MACROD2: variants seen among roughly 807,000 people sequenced by gnomAD.
The protein encoded by MACROD2 is ADP-ribose glycohydrolase MACROD2.
A neutral mutation model predicts 70.4 loss-of-function variants in MACROD2; 36 were observed. The observed-to-expected ratio is 0.51, with a 90% CI of 0.39 to 0.68. The LOEUF is 0.68. Ranked by LOEUF, MACROD2 falls within the 30% of genes least tolerant of loss-of-function variation. The probability of loss-of-function intolerance (pLI) is 0.00; values close to 1 mark genes in which losing one functional copy is unlikely to be tolerated. For synonymous variants in MACROD2, 172 were observed against 178.8 expected (o/e 0.96, Z 0.30); for missense variants, 496 against 538.4 (o/e 0.92, Z 0.78).
chr20:14,158,940 A>C (rs537394495), intron 3 of MACROD2, among the ~76,000 whole-genome samples: 3 of 152,008 alleles, frequency 2.0e-5, no homozygotes, highest in Non-Finnish European at 4.4e-5. Context: ...TTCTATTTCT[A>C]TGAAAAATAA....
rs537992136 is a variant in MACROD2 at position 14,173,109 on chromosome 20, G to T, written c.271+87381G>T. Among the ~76,000 whole-genome samples the T allele has an allele frequency of 1.8e-4, 27 of 152,202 alleles. No homozygotes were observed. In the South Asian group the frequency reaches 5.6e-3, roughly 32 times the overall value. On this transcript the variant is annotated intron_variant, in intron 3 of 17. Coordinates refer to ENST00000684519, the MANE Select transcript of MACROD2 (RefSeq NM_001351661.2). ...CATCTTTAGATAACCTGATGACTGT[G>T]TTTCTAGGTGATGATCTTTTTGCGA...
intron 1 of MACROD2, among the ~76,000 whole-genome samples, chr20:13,996,931 G>A (rs1387583763): frequency 2.0e-5 from 3 of 152,146 alleles, no homozygotes; most frequent in African/African-American, 4.8e-5. Context: ...CTTGTTAATA[G>A]TTCGTTAAAA....
At chr20:14,063,737 C>T (rs2053719083) in intron 2 of MACROD2, among the ~76,000 whole-genome samples, 1 of 151,810 alleles carries the variant, frequency 6.6e-6, no homozygotes, top group African/African-American at 2.4e-5. Context: ...TGGTCCCAAG[C>T]TTTTTTTTGA....
chr20:15,780,470 G>A (rs903227189), intron 8 of MACROD2, among the ~76,000 whole-genome samples: 1 of 152,078 alleles, frequency 6.6e-6, no homozygotes, highest in Non-Finnish European at 1.5e-5. Flanking sequence ...ACGGGAAGAG[G>A]CCCACCTTGC....
chr20:15,231,824 A>C (rs1044698993), intron 6 of MACROD2, among the ~76,000 whole-genome samples: 6 of 152,032 alleles, frequency 3.9e-5, no homozygotes, highest in African/African-American at 1.4e-4. Flanking sequence ...CTACCTTAAC[A>C]TCTTTGATGA....
chr20:14,173,045 C>T (rs1378658793), intron 3 of MACROD2, among the ~76,000 whole-genome samples: 3 of 152,110 alleles, frequency 2.0e-5, no homozygotes, highest in African/African-American at 7.2e-5. Context: ...TTATAGTTAC[C>T]TGATGCTTTT....
At chr20:14,431,730 C>T (rs967085622) in intron 3 of MACROD2, among the ~76,000 whole-genome samples, 3 of 152,290 alleles carry the variant, frequency 2.0e-5, no homozygotes, top group African/African-American at 7.2e-5. Flanking sequence ...GTGCAGTGCT[C>T]TGCCTTTAAG....
At chr20:14,386,310 G>C (rs986962493) in intron 3 of MACROD2, among the ~76,000 whole-genome samples, 21 of 152,190 alleles carry the variant, frequency 1.4e-4, no homozygotes, top group Admixed American at 1.4e-3. Context: ...AAATACTACT[G>C]TGGTGATGAT....
chr20:15,751,212 C>T (rs1037981498), intron 8 of MACROD2, among the ~76,000 whole-genome samples: 1 of 151,898 alleles, frequency 6.6e-6, no homozygotes. Context: ...ATCATTTATA[C>T]CACATGTATA....
intron 8 of MACROD2, among the ~76,000 whole-genome samples, chr20:15,771,860 G>A (rs888434387): frequency 2.7e-5 from 4 of 147,912 alleles, no homozygotes; most frequent in Middle Eastern, 3.4e-3. Context: ...CGAGGTGGGC[G>A]GATCAAAAGG....
intron 12 of MACROD2, among the ~76,000 whole-genome samples, chr20:15,960,441 A>G (rs1423855507): frequency 6.6e-6 from 1 of 152,188 alleles, no homozygotes; most frequent in Non-Finnish European, 1.5e-5. Context: ...TAGGAGCCAG[A>G]TGAAGGACTA....
At chr20:15,620,228 TAAG>T (rs2049105941) in intron 8 of MACROD2, among the ~76,000 whole-genome samples, 2 of 152,132 alleles carry the variant, frequency 1.3e-5, no homozygotes, top group Non-Finnish European at 2.9e-5. Context: ...TTCACTGAGT[TAAG>T]AAGGAACGAA....
intron 5 of MACROD2, among the ~76,000 whole-genome samples, chr20:14,970,520 G>GT (rs1401770765): frequency 6.6e-6 from 1 of 151,994 alleles, no homozygotes; most frequent in Non-Finnish European, 1.5e-5. Context: ...TTGAAGGGAT[G>GT]TATTTCTTCA....
rs553802068 is a variant in MACROD2 at position 14,936,634 on chromosome 20, CA to C, written c.418+251687del. On this transcript the variant is annotated intron_variant, in intron 5 of 17. Coordinates refer to ENST00000684519, the MANE Select transcript of MACROD2 (RefSeq NM_001351661.2). ...CTTTTACAATTTTAAAGGTCCTTTC[CA>C]AAAAAAAAAAATGCAAATAAAATGT... 1.2e-3 allele frequency among the ~76,000 whole-genome samples: 164 copies of C among 141,008 alleles called. 1 individual carries two copies. The highest frequency in any genetic ancestry group is 3.6e-3 in the Middle Eastern group (1 of 274). 92.5% of individuals were successfully genotyped at this position (141,008 alleles called of 152,430 possible).
chr20:15,822,825 G>A (rs561467822), intron 8 of MACROD2, among the ~76,000 whole-genome samples: 2 of 152,086 alleles, frequency 1.3e-5, no homozygotes, highest in South Asian at 2.1e-4. Flanking sequence ...AAAGAAAACC[G>A]CAGATACAGC....
At chr20:15,468,240 C>T (rs2046920437) in intron 7 of MACROD2, among the ~76,000 whole-genome samples, 1 of 151,942 alleles carries the variant, frequency 6.6e-6, no homozygotes, top group South Asian at 2.1e-4. Context: ...AGTACTTGTG[C>T]TGAGGAAGTA....
At chr20:15,465,915 C>G (rs77340310) in intron 7 of MACROD2, among the ~76,000 whole-genome samples, 184 of 152,312 alleles carry the variant, frequency 1.2e-3, no homozygotes, top group African/African-American at 4.3e-3. Flanking sequence ...ATGTATCAGA[C>G]AGGGTCCTCA....
chr20:15,478,176 A>T (rs1472893886), intron 7 of MACROD2, among the ~76,000 whole-genome samples: 2 of 152,330 alleles, frequency 1.3e-5, no homozygotes, highest in East Asian at 3.9e-4. Flanking sequence ...GTAGGAAACC[A>T]ATAGAAGGGT....
chr20:14,697,553 C>G (rs2071141387), intron 5 of MACROD2, among the ~76,000 whole-genome samples: 1 of 152,192 alleles, frequency 6.6e-6, no homozygotes, highest in African/African-American at 2.4e-5. Flanking sequence ...ACCTTAAACA[C>G]ATTCATATCA....
Sources: gnomAD v4.1 joint callset for allele counts (sites outside exome capture counted in the v4.1 genomes callset) on GRCh38, gnomAD v4.1.1 for gene constraint, MANE v1.5 for transcripts, NCBI Gene and HGNC (gene_info 2026-07-23, HGNC 2026-07-21) for gene names.